The following FNBP1L variants were observed in gnomAD, a reference collection of about 807,000 sequenced individuals.
FNBP1L encodes formin binding protein 1 like.
Under a neutral mutation model 91.2 loss-of-function variants are expected in FNBP1L, and 36 were observed. That is an observed-to-expected ratio of 0.39 (90% CI 0.30 to 0.52). The LOEUF (loss-of-function observed/expected upper bound fraction) is 0.52. FNBP1L is among the 20% of genes least tolerant of loss of function. The probability of loss-of-function intolerance (pLI) is 0.66; values close to 1 mark genes in which losing one functional copy is unlikely to be tolerated. For missense variants in FNBP1L, 571 were observed against 732.1 expected (o/e 0.78, Z 2.54); for synonymous variants, 242 against 237.0 (o/e 1.02, Z -0.19).
chr1:93,470,262 C>G (rs548108726), intron 1 of FNBP1L, among the ~76,000 whole-genome samples: 6 of 152,082 alleles, frequency 3.9e-5, no homozygotes, highest in Non-Finnish European at 8.8e-5. Context: ...TCCAGAGTAG[C>G]TGGGACTACA....
chr1:93,466,361 C>T (rs1289993765), intron 1 of FNBP1L, among the ~76,000 whole-genome samples: 1 of 152,146 alleles, frequency 6.6e-6, no homozygotes, highest in East Asian at 1.9e-4. Context: ...TTTAATCCAT[C>T]TCGGATTAAT....
chr1:93,545,815 A>G (rs1485913958), intron 12 of FNBP1L, among the ~76,000 whole-genome samples: 1 of 150,710 alleles, frequency 6.6e-6, no homozygotes, highest in Non-Finnish European at 1.5e-5. Context: ...CTTTCACCTG[A>G]TTGGATGCTG....
intron 2 of FNBP1L, among the ~76,000 whole-genome samples, chr1:93,511,423 C>T (rs531845124): frequency 1.3e-5 from 2 of 152,256 alleles, no homozygotes; most frequent in Non-Finnish European, 1.5e-5. Context: ...TTTGTCACCA[C>T]CAGGCCTGCC....
chr1:93,468,146 T>G (rs1669153428), intron 1 of FNBP1L, among the ~76,000 whole-genome samples: 1 of 152,174 alleles, frequency 6.6e-6, no homozygotes, highest in Admixed American at 6.5e-5. Context: ...ACCACTAATC[T>G]TCCTGTCTCA....
intron 1 of FNBP1L, among the ~76,000 whole-genome samples, chr1:93,456,171 A>G (rs1274251914): frequency 6.6e-6 from 1 of 152,116 alleles, no homozygotes; most frequent in East Asian, 1.9e-4. Flanking sequence ...GGAGCCCAAG[A>G]AAAAAAATCT....
chr1:93,523,692 C>T (rs1356815501), intron 4 of FNBP1L, among the ~76,000 whole-genome samples: 3 of 152,156 alleles, frequency 2.0e-5, no homozygotes, highest in Admixed American at 2.0e-4. Flanking sequence ...AGCCTATGGG[C>T]CAGACCCAAC....
At chr1:93,491,483 A>G (rs1272872355) in intron 1 of FNBP1L, among the ~76,000 whole-genome samples, 2 of 151,930 alleles carry the variant, frequency 1.3e-5, no homozygotes. Flanking sequence ...TTGAACTTCT[A>G]GGCTCAAGCT....
At chr1:93,457,780 T>G (rs1668717568) in intron 1 of FNBP1L, among the ~76,000 whole-genome samples, 1 of 123,950 alleles carries the variant, frequency 8.1e-6, no homozygotes, top group Non-Finnish European at 1.5e-5. Flanking sequence ...TTTATTTCAT[T>G]TATTATTATT....
At chr1:93,532,325 G>A (rs567183289) in intron 7 of FNBP1L, among the ~76,000 whole-genome samples, 3 of 152,056 alleles carry the variant, frequency 2.0e-5, no homozygotes, top group Admixed American at 6.6e-5. Context: ...AAATTAGCTG[G>A]GCATGGTGGC....
chr1:93,474,522 A>T (rs1320488150), intron 1 of FNBP1L, among the ~76,000 whole-genome samples: 1 of 152,216 alleles, frequency 6.6e-6, no homozygotes, highest in East Asian at 1.9e-4. Context: ...GGAAACTTAG[A>T]ATAGACGTGC....
intron 2 of FNBP1L, among the ~76,000 whole-genome samples, chr1:93,502,407 TA>T (rs912531775): frequency 6.6e-6 from 1 of 151,982 alleles, no homozygotes; most frequent in Non-Finnish European, 1.5e-5. Context: ...TTTATAAGAT[TA>T]AAAAAAACTT....
At chr1:93,515,238 T>C (rs1033446879) in intron 2 of FNBP1L, among the ~76,000 whole-genome samples, 1 of 152,062 alleles carries the variant, frequency 6.6e-6, no homozygotes, top group African/African-American at 2.4e-5. Flanking sequence ...CCAGTTAGAA[T>C]GGCAATCATT....
At chr1:93,509,322 A>G (rs1670737577) in intron 2 of FNBP1L, among the ~76,000 whole-genome samples, 1 of 152,212 alleles carries the variant, frequency 6.6e-6, no homozygotes, top group African/African-American at 2.4e-5. Context: ...TTGCTTCAGC[A>G]GAGAATGAGG....
intron 1 of FNBP1L, among the ~76,000 whole-genome samples, chr1:93,484,808 T>C (rs1325190023): frequency 1.3e-5 from 2 of 152,202 alleles, no homozygotes; most frequent in Non-Finnish European, 2.9e-5. Context: ...AAGTTTGAGA[T>C]GTTGGGAGGC....
At chr1:93,492,407 A>G (rs375977180) in intron 1 of FNBP1L, among the ~76,000 whole-genome samples, 163 of 152,352 alleles carry the variant, frequency 1.1e-3, no homozygotes, top group Middle Eastern at 0.01. Context: ...AGAGCACACA[A>G]GATGATCCAC....
At chr1:93,497,023 C>G (rs8179368) in intron 1 of FNBP1L, among the ~76,000 whole-genome samples, 1 of 151,880 alleles carries the variant, frequency 6.6e-6, no homozygotes, top group Non-Finnish European at 1.5e-5. Context: ...TGCAGTGGCA[C>G]GATCTCGGCT....
In FNBP1L at chr1:93,499,450, T is replaced by G; in HGVS notation, c.25-18T>G. The G allele has an allele frequency of 6.6e-7, 1 of 1,508,754 alleles. No individual in the cohort carries two copies. The highest frequency in any genetic ancestry group is 9.0e-7 in the Non-Finnish European group (1 of 1,107,258). The allele number at this position is 1,508,754 out of a possible 1,614,324, so 93.5% of individuals were successfully genotyped here. On this transcript the variant is annotated intron_variant, in intron 1 of 16. Coordinates refer to ENST00000271234, the MANE Select transcript of FNBP1L (RefSeq NM_001164473.3). ...AATTTTAGACTTTTGAAAATGCATTTTTATCTTCCTTTTCCAGGATCAGTT... is the reference window on the plus strand; with the variant it reads ...AATTTTAGACTTTTGAAAATGCATTGTTATCTTCCTTTTCCAGGATCAGTT...
intron 1 of FNBP1L, among the ~76,000 whole-genome samples, chr1:93,464,162 A>G (rs368439029): frequency 6.6e-6 from 1 of 152,312 alleles, no homozygotes; most frequent in African/African-American, 2.4e-5. Flanking sequence ...TGCTGTGGAA[A>G]GCAGTGTGGT....
chr1:93,528,986 T>C (rs1671585176), intron 5 of FNBP1L, among the ~76,000 whole-genome samples: 1 of 152,084 alleles, frequency 6.6e-6, no homozygotes, highest in East Asian at 1.9e-4. Flanking sequence ...CATAATAGTT[T>C]GAATGAAATA....
Sources: allele counts gnomAD v4.1 joint callset (sites outside exome capture counted in the v4.1 genomes callset), GRCh38; gene constraint gnomAD v4.1.1; transcripts MANE v1.5; gene names NCBI Gene and HGNC (gene_info 2026-07-23, HGNC 2026-07-21).